TBC1D12: variants seen among roughly 807,000 people sequenced by gnomAD.
TBC1D12 encodes TBC1 domain family, member 12.
Under a neutral mutation model 86.7 loss-of-function variants are expected in TBC1D12, and 56 were observed. The ratio of observed to expected loss-of-function variants is 0.65; its 90% CI spans 0.52 to 0.81. TBC1D12 has a LOEUF of 0.81. Among genes scored for constraint, TBC1D12 ranks in the 30% least tolerant of loss-of-function variants. The probability of loss-of-function intolerance (pLI) is 0.00; values close to 1 mark genes in which losing one functional copy is unlikely to be tolerated. For synonymous variants in TBC1D12, 421 were observed against 411.7 expected, an observed-to-expected ratio of 1.02 and a Z score of -0.27; for missense variants, 1,023 against 1,038.8, an observed-to-expected ratio of 0.98 and a Z score of 0.21.
intron 11 of TBC1D12, among the ~76,000 whole-genome samples, chr10:94,526,784 A>G (rs1842300848): frequency 6.6e-6 from 1 of 152,072 alleles, no homozygotes. Context: ...TGGTCGTTCT[A>G]TTTGTAGTTT....
chr10:94,429,100 G>A (rs1294699287), intron 1 of TBC1D12, among the ~76,000 whole-genome samples: 1 of 150,282 alleles, frequency 6.7e-6, no homozygotes, highest in Non-Finnish European at 1.5e-5. Flanking sequence ...ACTCTCCAAT[G>A]TTACGGATAT....
chr10:94,429,266 T>C (rs2055185515), intron 1 of TBC1D12, among the ~76,000 whole-genome samples: 1 of 152,088 alleles, frequency 6.6e-6, no homozygotes. Context: ...AGTTAAGTAA[T>C]GTTTATTGAA....
intron 4 of TBC1D12, among the ~76,000 whole-genome samples, chr10:94,495,753 A>C (rs1299936060): frequency 3.3e-5 from 5 of 152,058 alleles, no homozygotes; most frequent in Admixed American, 2.6e-4. Flanking sequence ...AAAGCAGTGG[A>C]ACATTCTCCC....
chr10:94,526,806 G>A (rs576060228), intron 11 of TBC1D12, among the ~76,000 whole-genome samples: 139 of 152,220 alleles, frequency 9.1e-4, no homozygotes, highest in African/African-American at 2.6e-3. Context: ...CTGAGGAATC[G>A]CCATACTGTT....
intron 4 of TBC1D12, among the ~76,000 whole-genome samples, chr10:94,495,791 A>C (rs572929381): frequency 6.6e-6 from 1 of 152,234 alleles, no homozygotes; most frequent in Admixed American, 6.5e-5. Flanking sequence ...ATATGAATAC[A>C]TAAAACAAAT....
intron 3 of TBC1D12, among the ~76,000 whole-genome samples, chr10:94,475,794 A>T (rs186180687): frequency 3.9e-5 from 6 of 152,366 alleles, no homozygotes; most frequent in Middle Eastern, 3.4e-3. Flanking sequence ...CCTGCTGTAC[A>T]TCAGAACATT....
At chr10:94,403,747 G>A (rs2054810200) in intron 1 of TBC1D12, among the ~76,000 whole-genome samples, 163 bp downstream of exon 1, 1 of 152,224 alleles carries the variant, frequency 6.6e-6, no homozygotes, top group Admixed American at 6.5e-5. Flanking sequence ...ATTTGTCACT[G>A]GAGGAAGAGG....
At chr10:94,467,364 CT>C (rs966591369) in intron 2 of TBC1D12, among the ~76,000 whole-genome samples, 1 of 152,098 alleles carries the variant, frequency 6.6e-6, no homozygotes, top group African/African-American at 2.4e-5. Context: ...TCCCGAGTAG[CT>C]GGGATTACAG....
chr10:94,429,595 G>T (rs2055189313), intron 1 of TBC1D12, among the ~76,000 whole-genome samples: 1 of 152,140 alleles, frequency 6.6e-6, no homozygotes, highest in Non-Finnish European at 1.5e-5. Context: ...ATGGTCACTA[G>T]ATAATGTTTT....
At chr10:94,527,796 G>A (rs943324140) in intron 11 of TBC1D12, among the ~76,000 whole-genome samples, 18 of 152,026 alleles carry the variant, frequency 1.2e-4, no homozygotes, top group Non-Finnish European at 2.9e-5. Flanking sequence ...TGCATATCCA[G>A]TTTTTCCCCC....
chr10:94,527,920 C>T (rs1842336528), intron 11 of TBC1D12, among the ~76,000 whole-genome samples: 1 of 151,962 alleles, frequency 6.6e-6, no homozygotes, highest in East Asian at 1.9e-4. Flanking sequence ...CTATTCTGTG[C>T]CATTTTTCTA....
chr10:94,479,966 C>G (rs572750901), intron 3 of TBC1D12, among the ~76,000 whole-genome samples: 3 of 152,122 alleles, frequency 2.0e-5, no homozygotes, highest in Non-Finnish European at 4.4e-5. Context: ...TTCATGGTGA[C>G]CTTATGCTAA....
At chr10:94,447,579 C>T (rs2134099234) in intron 2 of TBC1D12, 1 of 978,336 alleles carries the variant, frequency 1.0e-6, no homozygotes, top group African/African-American at 1.7e-5. Flanking sequence ...ATTCCAAAAT[C>T]ACAAGAACAT....
At chr10:94,420,921 T>G (rs144320032) in intron 1 of TBC1D12, among the ~76,000 whole-genome samples, 2 of 152,234 alleles carry the variant, frequency 1.3e-5, no homozygotes, top group Non-Finnish European at 2.9e-5. Context: ...TTTTGATACA[T>G]GTATGCATTG....
In TBC1D12 at chr10:94,402,712, C is replaced by T. The variant is rs756822838; in HGVS notation, c.99C>T (p.Ile33=). Residue 33 remains isoleucine, a synonymous_variant, in exon 1 of 13, where the codon ATC becomes ATT. Transcript: ENST00000225235. The part of the protein sequence containing the change: ...PDPVGQDRKV[I]RATGGFGGGV... ...CCGTGGGCCAGGACAGGAAGGTAATCCGGGCCACGGGCGGCTTTGGCGGAG... is the reference window on the plus strand; with the variant it reads ...CCGTGGGCCAGGACAGGAAGGTAATTCGGGCCACGGGCGGCTTTGGCGGAG... 2 of 1,585,696 alleles carry T rather than the reference C, an allele frequency of 1.3e-6. No homozygotes were observed. The highest frequency in any genetic ancestry group is 8.6e-7 in the Non-Finnish European group (1 of 1,165,844).
At chr10:94,506,357 A>C (rs944326681) in intron 6 of TBC1D12, among the ~76,000 whole-genome samples, 3 of 152,210 alleles carry the variant, frequency 2.0e-5, no homozygotes, top group African/African-American at 7.2e-5. Context: ...GAAATTTTTT[A>C]AAACCATGTT....
At chr10:94,502,538 C>G (rs1218567229) in intron 6 of TBC1D12, among the ~76,000 whole-genome samples, 3 of 151,820 alleles carry the variant, frequency 2.0e-5, no homozygotes, top group Non-Finnish European at 4.4e-5. Context: ...GACCCCGTCT[C>G]TACAAAAAAA....
intron 3 of TBC1D12, among the ~76,000 whole-genome samples, chr10:94,477,541 C>T (rs928537921): frequency 6.6e-6 from 1 of 152,144 alleles, no homozygotes; most frequent in African/African-American, 2.4e-5. Flanking sequence ...GAACTTTGTA[C>T]TTTATCTCCC....
intron 1 of TBC1D12, among the ~76,000 whole-genome samples, chr10:94,437,991 C>CTTTTT (rs60477158): frequency 3.3e-5 from 1 of 30,034 alleles, no homozygotes; most frequent in African/African-American, 1.6e-4. Flanking sequence ...TCTCCTGGAG[C>CTTTTT]TTTTTTTTTT....
Sources: gnomAD v4.1 joint callset for allele counts (sites outside exome capture counted in the v4.1 genomes callset) on GRCh38, gnomAD v4.1.1 for gene constraint, MANE v1.5 for transcripts, NCBI Gene and HGNC (gene_info 2026-07-23, HGNC 2026-07-21) for gene names.